Variants in CSMD1 observed in about 807,000 individuals in gnomAD.
The protein encoded by CSMD1 is CUB and Sushi multiple domains 1.
A neutral mutation model predicts 417.5 loss-of-function variants in CSMD1; 213 were observed. That is an observed-to-expected ratio of 0.51 (90% confidence interval 0.46 to 0.57). The LOEUF (loss-of-function observed/expected upper bound fraction) is 0.57, where lower values mean the gene tolerates loss of function less well. Among genes scored for constraint, CSMD1 ranks in the 20% least tolerant of loss-of-function variants. CSMD1 has a pLI of 0.00. For missense variants in CSMD1, 6,923 were observed against 4,529.7 expected, an observed-to-expected ratio of 1.53 and a Z score of -15.17; for synonymous variants, 2,862 against 1,736.8, an observed-to-expected ratio of 1.65 and a Z score of -16.11.
chr8:3,591,645 G>C (rs906722844), intron 8 of CSMD1, among the ~76,000 whole-genome samples: 2 of 152,280 alleles, frequency 1.3e-5, no homozygotes, highest in Middle Eastern at 3.4e-3. Flanking sequence ...ACACTGCTCA[G>C]CGTCTACTGA....
chr8:4,897,021 A>G (rs969339295), intron 1 of CSMD1, among the ~76,000 whole-genome samples: 15 of 151,998 alleles, frequency 9.9e-5, no homozygotes, highest in Admixed American at 7.9e-4. Context: ...CTCTTTTCCC[A>G]TGACAGTTTT....
intron 3 of CSMD1, among the ~76,000 whole-genome samples, chr8:4,104,113 C>G (rs190278735): frequency 6.6e-6 from 1 of 152,232 alleles, no homozygotes; most frequent in Admixed American, 6.5e-5. Context: ...ACCTGTCCCA[C>G]AGAAGCAGAG....
intron 1 of CSMD1, among the ~76,000 whole-genome samples, chr8:4,775,796 T>C (rs1585079991): frequency 6.6e-6 from 1 of 151,744 alleles, no homozygotes; most frequent in South Asian, 2.1e-4. Context: ...TGGGGATGGG[T>C]CCTCTTAGGC....
At chr8:4,633,470 C>G (rs903427574) in intron 2 of CSMD1, among the ~76,000 whole-genome samples, 1 of 151,910 alleles carries the variant, frequency 6.6e-6, no homozygotes, top group Non-Finnish European at 1.5e-5. Context: ...AGGATGGTCT[C>G]GATCTACTGA....
chr8:4,719,221 A>G (rs1808888435), intron 1 of CSMD1, among the ~76,000 whole-genome samples: 2 of 152,340 alleles, frequency 1.3e-5, no homozygotes, highest in South Asian at 4.1e-4. Context: ...TAGATGGCAC[A>G]CATTGTCATG....
chr8:3,815,246 G>T (rs1364249500), intron 5 of CSMD1, among the ~76,000 whole-genome samples: 2 of 152,040 alleles, frequency 1.3e-5, no homozygotes. Flanking sequence ...CATATGATTT[G>T]GGTAAAGTGT....
chr8:4,732,434 A>T (rs796667667), intron 1 of CSMD1, among the ~76,000 whole-genome samples: 1 of 151,458 alleles, frequency 6.6e-6, no homozygotes, highest in Non-Finnish European at 1.5e-5. Context: ...CCAAGCATTT[A>T]TTCTCACTCA....
chr8:4,343,439 C>G (rs1052754179), intron 3 of CSMD1, among the ~76,000 whole-genome samples: 5 of 152,042 alleles, frequency 3.3e-5, no homozygotes, highest in South Asian at 2.1e-4. Flanking sequence ...AAAATGGTCA[C>G]TATGTGTGGT....
At chr8:4,155,010 A>G (rs1399067464) in intron 3 of CSMD1, among the ~76,000 whole-genome samples, 22 of 152,194 alleles carry the variant, frequency 1.4e-4, no homozygotes, top group Admixed American at 1.4e-3. Context: ...AAGTTTCTGC[A>G]GTGATAAACC....
intron 43 of CSMD1, among the ~76,000 whole-genome samples, chr8:3,109,328 T>C (rs1563053241): frequency 6.6e-6 from 1 of 152,164 alleles, no homozygotes; most frequent in African/African-American, 2.4e-5. Flanking sequence ...CCATTCTAAA[T>C]ATGGAGCTTA....
chr8:3,889,540 CAT>C (rs1236399854), intron 5 of CSMD1, among the ~76,000 whole-genome samples: 10 of 97,456 alleles, frequency 1.0e-4, no homozygotes, highest in Non-Finnish European at 2.0e-4. Flanking sequence ...TACATACACA[CAT>C]ATGTGTATAT....
chr8:4,089,130 G>T (rs1055490139), intron 3 of CSMD1, among the ~76,000 whole-genome samples: 2 of 152,152 alleles, frequency 1.3e-5, no homozygotes, highest in African/African-American at 4.8e-5. Flanking sequence ...AGGGATTCCA[G>T]TGCTTAACAA....
At chr8:3,266,733 C>A (rs1269186478) in intron 26 of CSMD1, among the ~76,000 whole-genome samples, 2 of 150,098 alleles carry the variant, frequency 1.3e-5, no homozygotes, top group Non-Finnish European at 2.9e-5. Flanking sequence ...TGAGATTATA[C>A]CACTGCACTC....
At chr8:3,280,093 A>G (rs1584920123) in intron 26 of CSMD1, among the ~76,000 whole-genome samples, 1 of 152,256 alleles carries the variant, frequency 6.6e-6, no homozygotes, top group East Asian at 1.9e-4. Flanking sequence ...AGAGAGAGGT[A>G]CTAGGCCTCT....
chr8:3,015,029 C>A (rs947918589), intron 52 of CSMD1, among the ~76,000 whole-genome samples: 1 of 151,794 alleles, frequency 6.6e-6, no homozygotes, highest in Non-Finnish European at 1.5e-5. Context: ...CTCATGTGCC[C>A]CACAAATATA....
intron 3 of CSMD1, among the ~76,000 whole-genome samples, chr8:4,400,834 A>G (rs1463362488): frequency 6.6e-6 from 1 of 151,768 alleles, no homozygotes; most frequent in Non-Finnish European, 1.5e-5. Flanking sequence ...GGGCATTTGA[A>G]GAACATTTTT....
chr8:3,626,469 C>T (rs879725798), intron 7 of CSMD1, among the ~76,000 whole-genome samples: 12 of 152,012 alleles, frequency 7.9e-5, no homozygotes, highest in Non-Finnish European at 5.9e-5. Flanking sequence ...GGGAAAAAGT[C>T]TTAAAGTCGT....
intron 1 of CSMD1, among the ~76,000 whole-genome samples, chr8:4,699,488 G>C (rs1007419610): frequency 5.9e-5 from 9 of 152,162 alleles, no homozygotes; most frequent in African/African-American, 1.2e-4. Context: ...CTGTGCTAAT[G>C]AGAAAGTCAA....
intron 3 of CSMD1, among the ~76,000 whole-genome samples, chr8:4,097,116 C>A (rs1001187259): frequency 6.6e-6 from 1 of 152,160 alleles, no homozygotes; most frequent in Non-Finnish European, 1.5e-5. Flanking sequence ...CTTCCCCTCT[C>A]TGCACTCTGA....
Sources: allele counts gnomAD v4.1 joint callset (sites outside exome capture counted in the v4.1 genomes callset), GRCh38; gene constraint gnomAD v4.1.1; transcripts MANE v1.5; gene names NCBI Gene and HGNC (gene_info 2026-07-23, HGNC 2026-07-21).